Variants in CRADD observed in about 807,000 individuals in gnomAD.
CRADD encodes the protein death domain-containing protein CRADD.
In CRADD, 9 loss-of-function variants were observed where a neutral mutation model predicts 15.5. The observed-to-expected ratio is 0.58, with a 90% CI of 0.35 to 1.01. CRADD has a LOEUF of 1.01. CRADD is among the 50% of genes least tolerant of loss of function. The pLI is 0.02. For missense variants in CRADD, 227 were observed against 250.3 expected (o/e 0.91, Z 0.63); for synonymous variants, 118 against 107.6 (o/e 1.10, Z -0.60).
chr12:93,800,044 A>G (rs754550792), intron 2 of CRADD, among the ~76,000 whole-genome samples: 2 of 152,232 alleles, frequency 1.3e-5, no homozygotes, highest in African/African-American at 2.4e-5. Context: ...ATATGATATT[A>G]ATAGATAGAT....
At chr12:93,715,221 A>G (rs1359866039) in intron 2 of CRADD, among the ~76,000 whole-genome samples, 1 of 152,232 alleles carries the variant, frequency 6.6e-6, no homozygotes, top group Non-Finnish European at 1.5e-5. Flanking sequence ...TCATAGGGTA[A>G]GAGTGAGAGT....
intron 2 of CRADD, among the ~76,000 whole-genome samples, chr12:93,780,391 C>T (rs1042235453): frequency 5.3e-5 from 8 of 152,138 alleles, no homozygotes; most frequent in Admixed American, 1.3e-4. Context: ...CAGGCGTGCG[C>T]GGTAGATATT....
chr12:93,738,149 T>C (rs1299440519), intron 2 of CRADD: 1 of 598,930 alleles, frequency 1.7e-6, no homozygotes, highest in Non-Finnish European at 3.0e-6. Flanking sequence ...TGCTGTTTCT[T>C]AGCTGTTTTG....
intron 2 of CRADD, among the ~76,000 whole-genome samples, chr12:93,878,829 G>T (rs1958475540): frequency 6.6e-6 from 1 of 152,184 alleles, no homozygotes; most frequent in Non-Finnish European, 1.5e-5. Context: ...TCTCTTCAGT[G>T]GCTCTTTCAT....
chr12:93,798,239 G>C (rs1320933179), intron 2 of CRADD, among the ~76,000 whole-genome samples: 1 of 152,072 alleles, frequency 6.6e-6, no homozygotes, highest in Non-Finnish European at 1.5e-5. Flanking sequence ...ACTGTGTTTT[G>C]TCTGTATTTT....
intron 2 of CRADD, among the ~76,000 whole-genome samples, chr12:93,746,481 G>T (rs1956753055): frequency 6.6e-6 from 1 of 152,154 alleles, no homozygotes; most frequent in South Asian, 2.1e-4. Flanking sequence ...GATTATGTGG[G>T]AATGGGACGT....
chr12:93,831,817 G>T (rs7137355), intron 2 of CRADD, among the ~76,000 whole-genome samples: 13,570 of 152,330 alleles, frequency 0.089, 718 homozygotes, highest in Middle Eastern at 0.21. Flanking sequence ...TGTATCACAT[G>T]CAGTCAGGTC....
At chr12:93,765,171 T>G (rs1324213571) in intron 2 of CRADD, among the ~76,000 whole-genome samples, 1 of 152,156 alleles carries the variant, frequency 6.6e-6, no homozygotes, top group Non-Finnish European at 1.5e-5. Context: ...ATTGATGCAT[T>G]TGTTATGCCT....
Position 93,709,787 on chromosome 12 carries a change from G to A in CRADD, c.298+30715G>A, listed in dbSNP as rs1462523159. Among the ~76,000 whole-genome samples, 3 of 152,200 alleles carry A rather than the reference G, an allele frequency of 2.0e-5. No homozygotes were observed. In the East Asian group the frequency reaches 5.8e-4, roughly 29 times the overall value. Reference sequence around the variant, plus strand: ...CGTCTGGCTATATACCCAGTAATGGGATTGCTGGGTCGAATGGTAGTTCTG... The same window carrying A: ...CGTCTGGCTATATACCCAGTAATGGAATTGCTGGGTCGAATGGTAGTTCTG... On this transcript the variant is annotated intron_variant, in intron 2 of 2. Transcript: ENST00000332896.
intron 2 of CRADD, among the ~76,000 whole-genome samples, chr12:93,752,470 T>G (rs536023617): frequency 1.3e-5 from 2 of 152,306 alleles, no homozygotes; most frequent in South Asian, 4.1e-4. Flanking sequence ...AAATAAACAC[T>G]GTGTGTTTAA....
intron 2 of CRADD, among the ~76,000 whole-genome samples, chr12:93,727,441 C>G (rs534821257): frequency 2.0e-5 from 3 of 152,286 alleles, no homozygotes; most frequent in African/African-American, 7.2e-5. Context: ...CTGTCACTAT[C>G]CAGGAGACAC....
intron 2 of CRADD, among the ~76,000 whole-genome samples, chr12:93,889,404 C>CTT (rs1958560593): frequency 6.6e-6 from 1 of 152,102 alleles, no homozygotes; most frequent in Non-Finnish European, 1.5e-5. Flanking sequence ...TCTGAGGTCA[C>CTT]CCTAAAGAAA....
chr12:93,725,549 C>CT (rs1473833107), intron 2 of CRADD, among the ~76,000 whole-genome samples: 1 of 152,182 alleles, frequency 6.6e-6, no homozygotes, highest in Non-Finnish European at 1.5e-5. Flanking sequence ...GGAAATGCTG[C>CT]TGGTGGTGGT....
chr12:93,806,784 A>G (rs1957544412), intron 2 of CRADD, among the ~76,000 whole-genome samples: 1 of 152,186 alleles, frequency 6.6e-6, no homozygotes, highest in Admixed American at 6.6e-5. Context: ...TTGATGAACT[A>G]GGTTTTAATG....
At chr12:93,693,541 G>T (rs910951224) in intron 2 of CRADD, among the ~76,000 whole-genome samples, 1 of 151,918 alleles carries the variant, frequency 6.6e-6, no homozygotes, top group Non-Finnish European at 1.5e-5. Flanking sequence ...CATTAAGAAG[G>T]TATAATAGCC....
intron 2 of CRADD, among the ~76,000 whole-genome samples, chr12:93,835,582 A>G (rs1720431393): frequency 6.6e-6 from 1 of 152,042 alleles, no homozygotes; most frequent in Non-Finnish European, 1.5e-5. Flanking sequence ...CTGATGGATT[A>G]TATTTTTTCT....
intron 2 of CRADD, among the ~76,000 whole-genome samples, chr12:93,697,336 G>T (rs1338480094): frequency 6.6e-6 from 1 of 152,174 alleles, no homozygotes; most frequent in East Asian, 1.9e-4. Flanking sequence ...ATTCTGCTGC[G>T]GGAGGACACA....
intron 2 of CRADD, among the ~76,000 whole-genome samples, chr12:93,843,305 C>T (rs12310878): frequency 1.3e-5 from 2 of 151,766 alleles, no homozygotes; most frequent in Non-Finnish European, 2.9e-5. Context: ...ATTTGGGGTC[C>T]CCTTGTTTAA....
At chr12:93,731,691 T>C (rs1956467686) in intron 2 of CRADD, among the ~76,000 whole-genome samples, 1 of 152,242 alleles carries the variant, frequency 6.6e-6, no homozygotes, top group Admixed American at 6.5e-5. Flanking sequence ...CTATGTTTGC[T>C]TAACAAATAT....
Sources: gnomAD v4.1 joint callset for allele counts (sites outside exome capture counted in the v4.1 genomes callset) on GRCh38, gnomAD v4.1.1 for gene constraint, MANE v1.5 for transcripts, NCBI Gene and HGNC (gene_info 2026-07-23, HGNC 2026-07-21) for gene names.